Variants in NDUFA10 observed in about 807,000 individuals in gnomAD.
The protein encoded by NDUFA10 is NADH dehydrogenase [ubiquinone] 1 alpha subcomplex subunit 10, mitochondrial.
A neutral mutation model predicts 47.8 loss-of-function variants in NDUFA10; 40 were observed. That is an observed-to-expected ratio of 0.84 (90% confidence interval 0.65 to 1.09). The LOEUF (loss-of-function observed/expected upper bound fraction) is 1.09. Ranked by LOEUF, NDUFA10 falls within the 50% of genes least tolerant of loss-of-function variation. The pLI, the probability that NDUFA10 is intolerant of heterozygous loss-of-function variation, is 0.00. For synonymous variants in NDUFA10, 183 were observed against 172.2 expected (o/e 1.06, Z -0.49); for missense variants, 413 against 451.1 (o/e 0.92, Z 0.76).
chr2:239,957,678 G>GT lies in NDUFA10; in HGVS notation c.*3439dup, dbSNP rs1559313997. ...CCTCCTTCAAGCAAGCGCAGCCAGCGTGAGCCAGGGGACAGACACTTTCAG... is the reference window on the plus strand; with the variant it reads ...CCTCCTTCAAGCAAGCGCAGCCAGCGTTGAGCCAGGGGACAGACACTTTCAG... On this transcript the variant is annotated 3_prime_UTR_variant, in exon 10 of 10. Coordinates refer to ENST00000252711, the MANE Select transcript of NDUFA10 (RefSeq NM_004544.4). 1 of 152,222 alleles carries GT rather than the reference G, an allele frequency of 6.6e-6. No homozygotes were observed. The highest frequency in any genetic ancestry group is 1.9e-4 in the East Asian group (1 of 5,188). The allele number at this position is 152,222 out of a possible 1,614,324, so 9.4% of individuals were successfully genotyped here.
chr2:239,973,394 A>T, intron 9 of NDUFA10: 1 of 405,786 alleles, frequency 2.5e-6, no homozygotes, highest in Non-Finnish European at 4.9e-6. Context: ...AAGAACATAC[A>T]GTATTAACAT....
chr2:239,975,095 C>A (rs1200322487), intron 9 of NDUFA10, among the ~76,000 whole-genome samples: 1 of 152,202 alleles, frequency 6.6e-6, no homozygotes, highest in East Asian at 1.9e-4. Flanking sequence ...TGACACTCCG[C>A]CACCAAAGAT....
chr2:239,971,117 G>C (rs185342284), intron 9 of NDUFA10, among the ~76,000 whole-genome samples: 174 of 152,340 alleles, frequency 1.1e-3, no homozygotes, highest in African/African-American at 4.0e-3. Context: ...AATGAAAGAA[G>C]TGCCACATAA....
chr2:239,947,011 CCA>C (rs1487638942), intron 4 of NDUFA10, among the ~76,000 whole-genome samples: 5 of 152,210 alleles, frequency 3.3e-5, no homozygotes, highest in South Asian at 2.1e-4. Context: ...GATGCCCAGC[CCA>C]TGGTGGTGGG....
intron 9 of NDUFA10, among the ~76,000 whole-genome samples, chr2:239,967,957 A>G (rs1202001304): frequency 6.7e-6 from 1 of 148,312 alleles, no homozygotes; most frequent in Non-Finnish European, 1.5e-5. Context: ...GTTCGCACAG[A>G]AATCAGTCAA....
intron 8 of NDUFA10, among the ~76,000 whole-genome samples, chr2:239,992,807 C>A (rs1199777269): frequency 6.6e-6 from 1 of 152,156 alleles, no homozygotes. Context: ...TATACACATA[C>A]ACATAATTAG....
intron 4 of NDUFA10, among the ~76,000 whole-genome samples, chr2:239,925,358 GA>G (rs1694049001): frequency 6.6e-6 from 1 of 152,130 alleles, no homozygotes; most frequent in South Asian, 2.1e-4. Flanking sequence ...AAAGAACCTA[GA>G]AACAGATCCA....
At chr2:239,978,936 T>TA (rs959912944) in intron 9 of NDUFA10, among the ~76,000 whole-genome samples, 4 of 152,132 alleles carry the variant, frequency 2.6e-5, no homozygotes, top group African/African-American at 9.7e-5. Flanking sequence ...TGAGCTCTAA[T>TA]AAAAAAGTAT....
intron 4 of NDUFA10, among the ~76,000 whole-genome samples, chr2:239,921,038 CAAGAGCCAGAGCCCCT>C (rs1693967857): frequency 6.6e-6 from 1 of 152,042 alleles, no homozygotes; most frequent in South Asian, 2.1e-4. Context: ...ACAGAGCAAC[CAAGAGCCAGAGCCCCT>C]GTCCCACAGG....
At chr2:240,013,359 T>G (rs1325306588) in intron 5 of NDUFA10, 4 of 152,204 alleles carry the variant, frequency 2.6e-5, no homozygotes, top group Non-Finnish European at 5.9e-5. Flanking sequence ...CAGCTCTACT[T>G]TAGACCTCAG....
At chr2:239,955,143 C>A (rs1297450935), downstream of NDUFA10, among the ~76,000 whole-genome samples, 1 of 152,114 alleles carries the variant, frequency 6.6e-6, no homozygotes. Flanking sequence ...ACTAATAAGT[C>A]TTCGTGTGAA....
rs533163470 is a variant in NDUFA10, at chr2:239,936,314, C to T, written c.295-41000G>A. 9.2e-5 allele frequency among the ~76,000 whole-genome samples: 14 copies of T among 152,326 alleles called. No individual in the cohort carries two copies. In the South Asian group the frequency reaches 2.5e-3, roughly 27 times the overall value. ...GACATGGTAGAGGCGGCAGTGTCCC[C>T]AGGCAGAGAATGGGCATTGCTCCTG... is the stretch of plus-strand genomic sequence containing the variant. On this transcript the variant is annotated intron_variant, in intron 4 of 5. Coordinates refer to the NDUFA10 transcript ENST00000419408.
chr2:239,997,917 T>C (rs964440642), intron 8 of NDUFA10, among the ~76,000 whole-genome samples: 1 of 152,220 alleles, frequency 6.6e-6, no homozygotes, highest in African/African-American at 2.4e-5. Flanking sequence ...CTGATTTGCA[T>C]CTCAATCAAT....
In NDUFA10 at chr2:240,011,518, T is replaced by C. The variant is rs528840939; in HGVS notation, c.749+99A>G. On this transcript the variant is annotated intron_variant, in intron 6 of 9. Transcript: ENST00000252711. ...ATTAAACATCTCAGACAATATCCAC[T>C]GCAGTAAATAAGACAGAAAACTCCC... 58 of 851,588 alleles carry C rather than the reference T, an allele frequency of 6.8e-5. 1 individual carries two copies. The South Asian group carries it at 7.1e-4, about 10-fold the overall frequency. 52.8% of individuals were successfully genotyped at this position (851,588 alleles called of 1,614,324 possible). A position where few individuals can be genotyped will look rare whatever the true frequency, so the allele number is the denominator to read the frequency against.
Position 239,986,347 on chromosome 2 carries a change from C to T in NDUFA10, c.999+3727G>A, listed in dbSNP as rs958982461. On this transcript the variant is annotated intron_variant, in intron 9 of 9. Transcript: ENST00000252711. ...CTGCCTGGGTGGCAGGGATTAGGGA[C>T]GCCATGGTAGCAGAGACAGGAGACT... Among the ~76,000 whole-genome samples the T allele has an allele frequency of 1.9e-4, 29 of 152,130 alleles. 1 individual carries two copies. Among genetic ancestry groups the T allele is most frequent in the Admixed American group, 1.7e-3 (26 of 15,274 alleles).
chr2:240,016,615 C>T lies in NDUFA10; in HGVS notation c.548-1755G>A, dbSNP rs1697359530. 6.6e-6 allele frequency among the ~76,000 whole-genome samples: 1 copy of T among 152,140 alleles called. No individual in the cohort carries two copies. The highest frequency in any genetic ancestry group is 1.5e-5 in the Non-Finnish European group (1 of 68,026). ...AACCCTCCCCACATCCCCTCTGCTT[C>T]CTCCTGTGCACCTCTGATCATTCAG... On this transcript the variant is annotated intron_variant, in intron 4 of 9. Transcript: ENST00000252711. This position sits in a 1 kb window ranked among gnomAD's most constrained non-coding sequence, Gnocchi z 4.4.
chr2:240,006,450 G>A (rs1446558077), intron 7 of NDUFA10, among the ~76,000 whole-genome samples: 1 of 152,166 alleles, frequency 6.6e-6, no homozygotes, highest in Non-Finnish European at 1.5e-5. Flanking sequence ...AATGCTGAGA[G>A]GCAACTGAAG....
chr2:239,964,488 G>C (rs1694983091), intron 9 of NDUFA10, among the ~76,000 whole-genome samples: 1 of 152,170 alleles, frequency 6.6e-6, no homozygotes, highest in Non-Finnish European at 1.5e-5. Flanking sequence ...CTAGAGAGTG[G>C]TAGCTGGCAG....
intron 4 of NDUFA10, among the ~76,000 whole-genome samples, chr2:239,937,120 G>A (rs1055312898): frequency 2.0e-5 from 3 of 152,158 alleles, no homozygotes; most frequent in Non-Finnish European, 2.9e-5. Context: ...CCCCAGAGAC[G>A]CTCACCGCAC....
Sources: gnomAD v4.1 joint callset for allele counts (sites outside exome capture counted in the v4.1 genomes callset) on GRCh38, gnomAD v4.1.1 for gene constraint, Gnocchi (gnomAD v3.1) non-coding constraint, MANE v1.5 for transcripts, NCBI Gene and HGNC (gene_info 2026-07-23, HGNC 2026-07-21) for gene names.